Variants in CNTNAP2 observed in about 807,000 individuals in gnomAD.
CNTNAP2 encodes contactin-associated protein-like 2.
Under a neutral mutation model 155.2 loss-of-function variants are expected in CNTNAP2, and 98 were observed. That is an observed-to-expected ratio of 0.63 (90% CI 0.54 to 0.75). The LOEUF (loss-of-function observed/expected upper bound fraction) is 0.75. Ranked by LOEUF, CNTNAP2 falls within the 30% of genes least tolerant of loss-of-function variation. The pLI, the probability that CNTNAP2 is intolerant of heterozygous loss-of-function variation, is 0.00. For synonymous variants in CNTNAP2, 651 were observed against 631.2 expected (o/e 1.03, Z -0.47); for missense variants, 1,727 against 1,688.1 (o/e 1.02, Z -0.40).
chr7:146,859,534 G>A (rs1307332972), intron 3 of CNTNAP2, among the ~76,000 whole-genome samples: 1 of 152,096 alleles, frequency 6.6e-6, no homozygotes, highest in African/African-American at 2.4e-5. Context: ...GTGCATGCCT[G>A]TAATCCCAGC....
chr7:147,333,848 G>T (rs557508722), intron 9 of CNTNAP2, among the ~76,000 whole-genome samples: 1 of 152,146 alleles, frequency 6.6e-6, no homozygotes, highest in African/African-American at 2.4e-5. Flanking sequence ...ATGGACTAGA[G>T]TATAGGCATA....
At chr7:147,149,316 T>C (rs916943669) in intron 8 of CNTNAP2, among the ~76,000 whole-genome samples, 9 of 152,292 alleles carry the variant, frequency 5.9e-5, no homozygotes, top group African/African-American at 1.9e-4. Flanking sequence ...AGAGCGCTGA[T>C]TGGTGTGTTT....
chr7:147,063,176 T>C (rs146549298), intron 4 of CNTNAP2, among the ~76,000 whole-genome samples: 29 of 152,332 alleles, frequency 1.9e-4, no homozygotes, highest in Non-Finnish European at 2.1e-4. Flanking sequence ...TTTTAGTGCT[T>C]AGCCCCATGC....
chr7:148,142,405 G>A (rs933993081), intron 16 of CNTNAP2, among the ~76,000 whole-genome samples: 1 of 151,814 alleles, frequency 6.6e-6, no homozygotes, highest in Non-Finnish European at 1.5e-5. Context: ...AAAAATACAG[G>A]AAACAAAAAA....
At chr7:146,650,702 A>G (rs1021737282) in intron 1 of CNTNAP2, among the ~76,000 whole-genome samples, 1 of 152,186 alleles carries the variant, frequency 6.6e-6, no homozygotes, top group Non-Finnish European at 1.5e-5. Context: ...AGAAATATAT[A>G]AAATCTGATT....
intron 9 of CNTNAP2, among the ~76,000 whole-genome samples, chr7:147,354,818 G>A (rs967438477): frequency 1.3e-5 from 2 of 152,088 alleles, no homozygotes; most frequent in African/African-American, 2.4e-5. Flanking sequence ...TCCTTGAGCA[G>A]TGGTTTGTAG....
intron 15 of CNTNAP2, among the ~76,000 whole-genome samples, chr7:148,067,840 T>C (rs915690673): frequency 1.4e-4 from 21 of 152,284 alleles, no homozygotes; most frequent in African/African-American, 4.8e-4. Context: ...ACTTTGAGGA[T>C]GGCGGTGTGG....
intron 3 of CNTNAP2, among the ~76,000 whole-genome samples, chr7:146,878,244 T>G (rs1795469052): frequency 6.6e-6 from 1 of 152,162 alleles, no homozygotes; most frequent in Non-Finnish European, 1.5e-5. Context: ...TGACATTAAT[T>G]GACTTCTTGT....
chr7:147,786,678 A>G (rs1412261121), intron 13 of CNTNAP2, among the ~76,000 whole-genome samples: 1 of 152,118 alleles, frequency 6.6e-6, no homozygotes, highest in Admixed American at 6.6e-5. Flanking sequence ...TTCAGAAAGC[A>G]CTGTGGAGGC....
chr7:146,665,099 C>A (rs1800167290), intron 1 of CNTNAP2, among the ~76,000 whole-genome samples: 1 of 152,104 alleles, frequency 6.6e-6, no homozygotes, highest in Non-Finnish European at 1.5e-5. Flanking sequence ...CAGGCACCCA[C>A]CACAATACCC....
chr7:147,205,247 C>A (rs1359986455), intron 8 of CNTNAP2, among the ~76,000 whole-genome samples: 2 of 152,070 alleles, frequency 1.3e-5, no homozygotes, highest in Non-Finnish European at 2.9e-5. Flanking sequence ...CGCCACCCTC[C>A]CTCCTTCTAA....
At chr7:147,059,253 G>A (rs568736726) in intron 4 of CNTNAP2, among the ~76,000 whole-genome samples, 1 of 152,132 alleles carries the variant, frequency 6.6e-6, no homozygotes, top group Non-Finnish European at 1.5e-5. Context: ...TCAAACGATT[G>A]CTTTAGTGGT....
intron 1 of CNTNAP2, among the ~76,000 whole-genome samples, chr7:146,400,907 C>T (rs755531614): frequency 3.3e-5 from 5 of 152,162 alleles, no homozygotes; most frequent in East Asian, 1.9e-4. Flanking sequence ...CAGAAGATGA[C>T]GTGCAGATTA....
chr7:146,943,065 T>C (rs916634478), intron 3 of CNTNAP2, among the ~76,000 whole-genome samples: 2 of 152,194 alleles, frequency 1.3e-5, no homozygotes, highest in African/African-American at 4.8e-5. Flanking sequence ...CAGACCCCCC[T>C]GTCATGCAGT....
chr7:148,253,103 C>T (rs916324517), intron 20 of CNTNAP2, among the ~76,000 whole-genome samples: 2 of 147,552 alleles, frequency 1.4e-5, no homozygotes, highest in Non-Finnish European at 3.0e-5. Flanking sequence ...AACTGTAACC[C>T]CAGTTTTGTA....
intron 16 of CNTNAP2, among the ~76,000 whole-genome samples, chr7:148,138,033 CAGAG>C (rs1804994823): frequency 3.9e-5 from 6 of 152,156 alleles, no homozygotes; most frequent in Non-Finnish European, 1.5e-5. Context: ...TGTGGCAAAA[CAGAG>C]AGAGAAAAAT....
At chr7:147,810,576 A>C (rs996408423) in intron 13 of CNTNAP2, among the ~76,000 whole-genome samples, 1 of 152,190 alleles carries the variant, frequency 6.6e-6, no homozygotes, top group Non-Finnish European at 1.5e-5. Flanking sequence ...AATTTAATGC[A>C]TACTTGCTGA....
At position 147,619,157 on chromosome 7, in the gene CNTNAP2, C is replaced by G. The variant is rs1801347294; in HGVS notation, c.1898-19949C>G. Among the ~76,000 whole-genome samples, 2 of 152,190 alleles carry G rather than the reference C, an allele frequency of 1.3e-5. 1 individual carries two copies. The highest frequency in any genetic ancestry group is 4.1e-4 in the South Asian group (2 of 4,830). ...GTAGTTCCACAAGACATTTTCATAA[C>G]ATAGTAATCCAAAGACAGTATTTAA... On this transcript the variant is annotated intron_variant, in intron 12 of 23. Transcript: ENST00000361727.
chr7:147,709,174 A>G (rs1796365043), intron 13 of CNTNAP2, among the ~76,000 whole-genome samples: 1 of 152,122 alleles, frequency 6.6e-6, no homozygotes, highest in Non-Finnish European at 1.5e-5. Context: ...GCAATGGCCG[A>G]GCAGAATGAT....
Sources: allele counts gnomAD v4.1 joint callset (sites outside exome capture counted in the v4.1 genomes callset), GRCh38; gene constraint gnomAD v4.1.1; transcripts MANE v1.5; gene names NCBI Gene and HGNC (gene_info 2026-07-23, HGNC 2026-07-21).